ZNF496: variants seen among roughly 807,000 people sequenced by gnomAD.
The protein encoded by ZNF496 is zinc finger protein 496, also known as NSD1 (nuclear receptor binding SET-domain containing 1)-interacting zinc finger protein 1.
ZNF496 carries 11 observed loss-of-function variants against 58.9 expected under a neutral mutation model. That is an observed-to-expected ratio of 0.19 (90% confidence interval 0.12 to 0.31). ZNF496 has a LOEUF of 0.31. Among genes scored for constraint, ZNF496 ranks in the 10% least tolerant of loss-of-function variants. The pLI is 1.00. For missense variants in ZNF496, 660 were observed against 783.0 expected, an observed-to-expected ratio of 0.84 and a Z score of 1.88; for synonymous variants, 338 against 318.2, an observed-to-expected ratio of 1.06 and a Z score of -0.66.
Position 247,315,875 on chromosome 1 carries a change from C to T in ZNF496, c.652-5419G>A, listed in dbSNP as rs757670759. Among the ~76,000 whole-genome samples the T allele has an allele frequency of 1.4e-4, 22 of 152,180 alleles. No individual in the cohort carries two copies. The East Asian group carries it at 2.5e-3, about 17-fold the overall frequency. On this transcript the variant is annotated intron_variant, in intron 6 of 9. Transcript: ENST00000682384. ...TAGTAAAAACTCTGACTCAGTAGGTCGGGGTGGAGCCTCAGAGGCTGTATC... is the reference window on the plus strand; with the variant it reads ...TAGTAAAAACTCTGACTCAGTAGGTTGGGGTGGAGCCTCAGAGGCTGTATC...
intron 9 of ZNF496, chr1:247,307,807 T>G: frequency 2.0e-6 from 2 of 985,392 alleles, no homozygotes; most frequent in Non-Finnish European, 2.4e-6. Context: ...AATCAGAGGC[T>G]TGGGTTTTGT....
In ZNF496 at chr1:247,299,444, C is replaced by G. The variant is rs930993427; in HGVS notation, c.*1075G>C. 6.6e-5 allele frequency: 10 copies of G among 152,276 alleles called. No individual in the cohort carries two copies. The highest frequency in any genetic ancestry group is 1.7e-4 in the African/African-American group (7 of 41,454). 9.4% of individuals were successfully genotyped at this position (152,276 alleles called of 1,614,324 possible). ...CGGAAGGCACCAACTCTGAGGACACCCTGATCTTGGACGTGCACCTCCCAG... is the reference window on the plus strand; with the variant it reads ...CGGAAGGCACCAACTCTGAGGACACGCTGATCTTGGACGTGCACCTCCCAG... On this transcript the variant is annotated 3_prime_UTR_variant, in exon 10 of 10. Transcript: ENST00000682384.
chr1:247,304,139 C>T (rs1224787326), intron 9 of ZNF496: 2 of 376,552 alleles, frequency 5.3e-6, no homozygotes, highest in African/African-American at 2.1e-5. Flanking sequence ...ATCTATCTGG[C>T]TATGAATATG....
rs1407917383 is a variant in ZNF496 at position 247,297,506 on chromosome 1, G to C, written c.*3013C>G. On this transcript the variant is annotated 3_prime_UTR_variant, in exon 10 of 10. Coordinates refer to ENST00000682384, the MANE Select transcript of ZNF496 (RefSeq NM_032752.3). ...AGAGAGAGGATGTTGCTCAGATGGG[G>C]GTCTCAACCTCCAGAGCAAGGTGGA... The C allele has an allele frequency of 6.6e-6, 1 of 152,226 alleles. No individual in the cohort carries two copies. Among genetic ancestry groups the C allele is most frequent in the Non-Finnish European group, 1.5e-5 (1 of 68,058 alleles). The allele number at this position is 152,226 out of a possible 1,614,324, so 9.4% of individuals were successfully genotyped here.
Position 247,329,118 on chromosome 1 carries a change from A to C in ZNF496, c.390+71T>G. 4 of 1,600,000 alleles carry C rather than the reference A, an allele frequency of 2.5e-6. No homozygotes were observed. Among genetic ancestry groups the C allele is most frequent in the South Asian group, 2.2e-5 (2 of 90,692 alleles). On this transcript the variant is annotated intron_variant, in intron 4 of 9. Coordinates refer to ENST00000682384, the MANE Select transcript of ZNF496 (RefSeq NM_032752.3). This position sits in a 1 kb window ranked among gnomAD's most constrained non-coding sequence, Gnocchi z 5.5. The stretch of plus-strand genomic sequence containing the variant: ...TGGAACTCCTCATTCCCCAGCCAGC[A>C]CATGCATGGCCCAGCCAAAGTGTCT...
chr1:247,308,769 T>C lies in ZNF496; in HGVS notation c.893-181A>G. On this transcript the variant is annotated intron_variant, in intron 8 of 9. Transcript: ENST00000682384. This position sits in a 1 kb window ranked among gnomAD's most constrained non-coding sequence, Gnocchi z 4.5. ...TGAGTGAATGAACCTGAAGGCAAAA[T>C]GGGCCAACTCCACAAACATGAGCTC... 5.2e-6 allele frequency: 3 copies of C among 574,320 alleles called. No homozygotes were observed. Among genetic ancestry groups the C allele is most frequent in the Non-Finnish European group, 9.3e-6 (3 of 321,436 alleles). The allele number at this position is 574,320 out of a possible 1,614,324, so 35.6% of individuals were successfully genotyped here.
rs535783985 is a variant in ZNF496 at position 247,331,645 on chromosome 1, C to G, written c.-367G>C. On this transcript the variant is annotated splice_region_variant and 5_prime_UTR_variant, in exon 2 of 10. Coordinates refer to ENST00000682384, the MANE Select transcript of ZNF496 (RefSeq NM_032752.3). ...GGCTCGGCTCGGGGGCAAATGGAGGCGCCTGAAAAACAATGGTGTTGCTTT... is the reference window on the plus strand; with the variant it reads ...GGCTCGGCTCGGGGGCAAATGGAGGGGCCTGAAAAACAATGGTGTTGCTTT... 3.3e-5 allele frequency: 5 copies of G among 152,228 alleles called. No individual in the cohort carries two copies. The highest frequency in any genetic ancestry group is 7.3e-5 in the Non-Finnish European group (5 of 68,132). 9.4% of individuals were successfully genotyped at this position (152,228 alleles called of 1,614,324 possible). A position where few individuals can be genotyped will look rare whatever the true frequency, so the allele number is the denominator to read the frequency against.
intron 9 of ZNF496, chr1:247,307,077 G>C: frequency 1.0e-6 from 1 of 984,836 alleles, no homozygotes; most frequent in African/African-American, 1.7e-5. Context: ...CAATAAACAA[G>C]AAAAGATATT....
At chr1:247,328,459 T>A (rs1660210931) in intron 5 of ZNF496, among the ~76,000 whole-genome samples, 1 of 152,104 alleles carries the variant, frequency 6.6e-6, no homozygotes, top group Non-Finnish European at 1.5e-5. Flanking sequence ...AAGCGTTAGC[T>A]CTGAGAGGCT....
chr1:247,317,868 TA>T (rs1385399602), intron 6 of ZNF496, among the ~76,000 whole-genome samples: 1 of 152,126 alleles, frequency 6.6e-6, no homozygotes, highest in Admixed American at 6.6e-5. Context: ...ACTGAATGAA[TA>T]AAGATAACCA....
intron 6 of ZNF496, among the ~76,000 whole-genome samples, chr1:247,320,327 C>T (rs1263057402): frequency 6.6e-6 from 1 of 152,190 alleles, no homozygotes; most frequent in Non-Finnish European, 1.5e-5. Flanking sequence ...CACGCAACAA[C>T]CTGAATGAAG....
Position 247,299,077 on chromosome 1 carries a change from G to C in ZNF496, c.*1442C>G, listed in dbSNP as rs576141527. The C allele has an allele frequency of 2.0e-5, 3 of 152,360 alleles. No individual in the cohort carries two copies. In the East Asian group the frequency reaches 5.8e-4, roughly 29 times the overall value. 9.4% of individuals were successfully genotyped at this position (152,360 alleles called of 1,614,324 possible). A position where few individuals can be genotyped will look rare whatever the true frequency, so the allele number is the denominator to read the frequency against. On this transcript the variant is annotated 3_prime_UTR_variant, in exon 10 of 10. Coordinates refer to ENST00000682384, the MANE Select transcript of ZNF496 (RefSeq NM_032752.3). Reference sequence around the variant, plus strand: ...CACTCAAGTTTGTATTGACTCATCTGTAAATTAGGAATGATATAGCATACC... The same window carrying C: ...CACTCAAGTTTGTATTGACTCATCTCTAAATTAGGAATGATATAGCATACC...
chr1:247,317,387 C>T (rs969806244), intron 6 of ZNF496, among the ~76,000 whole-genome samples: 1 of 152,202 alleles, frequency 6.6e-6, no homozygotes, highest in African/African-American at 2.4e-5. Context: ...AACTGCTCTA[C>T]TCCACTTAAT....
chr1:247,324,946 C>A (rs1013964116), intron 5 of ZNF496, among the ~76,000 whole-genome samples: 1 of 152,234 alleles, frequency 6.6e-6, no homozygotes, highest in African/African-American at 2.4e-5. Flanking sequence ...TTTGTTCAGG[C>A]TTCTGCCATG....
intron 6 of ZNF496, chr1:247,313,790 C>T (rs1257196562): frequency 6.6e-6 from 1 of 152,152 alleles, no homozygotes; most frequent in Non-Finnish European, 1.5e-5. Flanking sequence ...ACAGAAACCT[C>T]ACAAGGGATG....
intron 9 of ZNF496, among the ~76,000 whole-genome samples, chr1:247,303,209 C>T (rs1659302519): frequency 6.6e-6 from 1 of 152,126 alleles, no homozygotes; most frequent in South Asian, 2.1e-4. Context: ...AGGGAAGGAC[C>T]CTGTGAGGAC....
intron 4 of ZNF496, 30 bp from the exon 5 acceptor site, chr1:247,328,896 T>C: frequency 6.4e-7 from 1 of 1,559,834 alleles, no homozygotes; most frequent in Non-Finnish European, 8.7e-7. Context: ...TTTTCAGGGC[T>C]AGGGGAAGAG....
intron 6 of ZNF496, among the ~76,000 whole-genome samples, chr1:247,320,993 T>C (rs945313130): frequency 6.6e-6 from 1 of 152,066 alleles, no homozygotes; most frequent in African/African-American, 2.4e-5. Flanking sequence ...CTGACTAACA[T>C]GGTGAAACCC....
intron 6 of ZNF496, among the ~76,000 whole-genome samples, chr1:247,315,085 A>AG (rs1363088411): frequency 6.7e-6 from 1 of 149,474 alleles, no homozygotes; most frequent in Non-Finnish European, 1.5e-5. Flanking sequence ...TTTTTTTTAA[A>AG]AAAAGCAAAA....
Sources: allele counts gnomAD v4.1 joint callset (sites outside exome capture counted in the v4.1 genomes callset), GRCh38; gene constraint gnomAD v4.1.1; non-coding constraint Gnocchi (gnomAD v3.1); transcripts MANE v1.5; gene names NCBI Gene and HGNC (gene_info 2026-07-23, HGNC 2026-07-21).